Variants in EDC4 observed in about 807,000 individuals in gnomAD.
The protein encoded by EDC4 is enhancer of mRNA decapping 4.
In EDC4, 64 loss-of-function variants were observed where a neutral mutation model predicts 155.8. The observed-to-expected ratio is 0.41, with a 90% CI of 0.34 to 0.51. EDC4 has a LOEUF of 0.51. EDC4 is among the 20% of genes least tolerant of loss of function. The pLI, the probability that EDC4 is intolerant of heterozygous loss-of-function variation, is 0.19. For missense variants in EDC4, 1,303 were observed against 1,812.5 expected, an observed-to-expected ratio of 0.72 and a Z score of 5.10; for synonymous variants, 684 against 716.8, an observed-to-expected ratio of 0.95 and a Z score of 0.73.
chr16:67,880,576 C>T lies in EDC4; in HGVS notation c.2117C>T (p.Ala706Val). Residue 706 changes from alanine to valine, a missense_variant, in exon 18 of 29, where the codon GCA becomes GTA. Coordinates refer to ENST00000358933, the MANE Select transcript of EDC4 (RefSeq NM_014329.5). This position sits in a 1 kb window ranked among gnomAD's most constrained non-coding sequence, Gnocchi z 5.2. Reference protein sequence around the residue: ...GPGQVPTATSALSLELQEVEP... With the variant: ...GPGQVPTATSVLSLELQEVEP... ...CCTCAGGTGCCTACTGCCACCTCTG[C>T]ACTGTCCCTGGAGCTGCAGGAAGTG... is the stretch of plus-strand genomic sequence containing the variant. 1 of 1,614,092 alleles carries T rather than the reference C, an allele frequency of 6.2e-7. No individual in the cohort carries two copies. The highest frequency in any genetic ancestry group is 1.3e-5 in the African/African-American group (1 of 75,068).
rs2058054114 is a variant in EDC4 at position 67,879,204 on chromosome 16, C to T, written c.1469-33C>T. ...GGGGGTTGTGGAGGCACAGAGAGGG[C>T]CAGGGGCTTCATCATCCACACTGTC... On this transcript the variant is annotated intron_variant, in intron 12 of 28. Coordinates refer to ENST00000358933, the MANE Select transcript of EDC4 (RefSeq NM_014329.5). The surrounding 1 kb of genome is among the most constrained non-coding windows in gnomAD (Gnocchi z 6.0). 1 of 1,614,164 alleles carries T rather than the reference C, an allele frequency of 6.2e-7. No homozygotes were observed.
rs767046538 is a variant in EDC4, at chr16:67,876,630, T to C, written c.351+31T>C. The C allele has an allele frequency of 1.6e-5, 26 of 1,612,196 alleles. No homozygotes were observed. In the African/African-American group the frequency reaches 3.2e-4, roughly 20 times the overall value. On this transcript the variant is annotated intron_variant, in intron 3 of 28. Transcript: ENST00000358933. This position sits in a 1 kb window ranked among gnomAD's most constrained non-coding sequence, Gnocchi z 5.8. ...TACTGGGATGCTGTGGCATATATAATGTACGGGGGCACACCCAGCCTTTCC... is the reference window on the plus strand; with the variant it reads ...TACTGGGATGCTGTGGCATATATAACGTACGGGGGCACACCCAGCCTTTCC...
chr16:67,883,670 C>G lies in EDC4; in HGVS notation c.3952C>G (p.Leu1318Val). 2 of 1,614,226 alleles carry G rather than the reference C, an allele frequency of 1.2e-6. No homozygotes were observed. Among genetic ancestry groups the G allele is most frequent in the Non-Finnish European group, 1.7e-6 (2 of 1,180,048 alleles). The change falls in exon 28 of 29, where the codon CTC becomes GTC. Residue 1318 changes from leucine (L) to valine (V), a missense_variant. This residue lies in a region of EDC4 where 527 missense variants were observed against 757.0 expected (regional missense o/e 0.70). Coordinates refer to ENST00000358933, the MANE Select transcript of EDC4 (RefSeq NM_014329.5). This position sits in a 1 kb window ranked among gnomAD's most constrained non-coding sequence, Gnocchi z 5.3. ...QPPCPLSQPV[L>V]LSLIQQLASD... ...ACCCTGCCCGCTCTCCCAGCCTGTGCTCCTTTCCCTCATCCAGCAGCTGGC... is the reference window on the plus strand; with the variant it reads ...ACCCTGCCCGCTCTCCCAGCCTGTGGTCCTTTCCCTCATCCAGCAGCTGGC...
chr16:67,879,531 G>T lies in EDC4; in HGVS notation c.1633+28G>T, dbSNP rs1227131872. 1.9e-6 allele frequency: 3 copies of T among 1,614,068 alleles called. No homozygotes were observed. Among genetic ancestry groups the T allele is most frequent in the Non-Finnish European group, 2.5e-6 (3 of 1,180,002 alleles). ...GAGTAGGGCGTGAGAGGGAGGTAGGGTAAGTTGGACTGACCAGGGTCTGAG... is the reference window on the plus strand; with the variant it reads ...GAGTAGGGCGTGAGAGGGAGGTAGGTTAAGTTGGACTGACCAGGGTCTGAG... On this transcript the variant is annotated intron_variant, in intron 14 of 28. Transcript: ENST00000358933. The surrounding 1 kb of genome is among the most constrained non-coding windows in gnomAD (Gnocchi z 6.0).
Position 67,876,180 on chromosome 16 carries a change from A to G in EDC4, c.239+79A>G. The G allele has an allele frequency of 1.4e-6, 2 of 1,457,346 alleles. No individual in the cohort carries two copies. Among genetic ancestry groups the G allele is most frequent in the East Asian group, 4.6e-5 (2 of 43,850 alleles). 90.3% of individuals were successfully genotyped at this position (1,457,346 alleles called of 1,614,324 possible). ...AGCTGAAGGCATGAGATGGGGAGTG[A>G]GCGGGGCCAGCAGCCTCTGCTGCTT... On this transcript the variant is annotated intron_variant, in intron 2 of 28. Transcript: ENST00000358933. The surrounding 1 kb of genome is among the most constrained non-coding windows in gnomAD (Gnocchi z 5.8).
At position 67,883,125 on chromosome 16, in the gene EDC4, C is replaced by T. The variant is rs776801333; in HGVS notation, c.3797C>T (p.Ala1266Val). ...CACCTTGACTGCCAGGCCCAGCAAG[C>T]CCATATCCTGCAGCTGCTGCAGCAG... ...SAHLDCQAQQAHILQLLQQGH... is the reference protein window; with the variant it reads ...SAHLDCQAQQVHILQLLQQGH... Residue 1266 changes from alanine (A) to valine (V), a missense_variant, in exon 27 of 29, where the codon GCC becomes GTC. This residue lies in a region of EDC4 where 527 missense variants were observed against 757.0 expected (regional missense o/e 0.70). Coordinates refer to ENST00000358933, the MANE Select transcript of EDC4 (RefSeq NM_014329.5). The surrounding 1 kb of genome is among the most constrained non-coding windows in gnomAD (Gnocchi z 5.3). The T allele has an allele frequency of 2.5e-6, 4 of 1,607,768 alleles. No homozygotes were observed. In the South Asian group the frequency reaches 4.4e-5, roughly 18 times the overall value.
rs746257019 is a variant in EDC4 at position 67,882,138 on chromosome 16, G to A, written c.3160+29G>A. The A allele has an allele frequency of 1.9e-6, 3 of 1,613,586 alleles. No individual in the cohort carries two copies. The highest frequency in any genetic ancestry group is 2.5e-6 in the Non-Finnish European group (3 of 1,179,936). On this transcript the variant is annotated intron_variant, in intron 23 of 28. Coordinates refer to ENST00000358933, the MANE Select transcript of EDC4 (RefSeq NM_014329.5). The surrounding 1 kb of genome is among the most constrained non-coding windows in gnomAD (Gnocchi z 7.2). ...AGTTTTGCATGCAGACTCCCTTTGG[G>A]TGGTTCAGGTGGGAGTGGGGTACCT... is the stretch of plus-strand genomic sequence containing the variant.
rs142731612 is a variant in EDC4, at chr16:67,880,073, G to A, written c.1954G>A (p.Glu652Lys). The A allele has an allele frequency of 1.3e-3, 2,118 of 1,606,632 alleles. 5 individuals carry two copies. The highest frequency in any genetic ancestry group is 1.7e-3 in the Non-Finnish European group (1,991 of 1,175,494). The change falls in exon 17 of 29, where the codon GAG (glutamate) becomes AAG (lysine). Residue 652 changes from glutamate (E) to lysine (K), a missense_variant. Physicochemically the swap from Glu to Lys is moderately conservative, Grantham distance 56 (BLOSUM62 1). This residue lies in a region of EDC4 where 391 missense variants were observed against 445.4 expected (regional missense o/e 0.88). Transcript: ENST00000358933. This position sits in a 1 kb window ranked among gnomAD's most constrained non-coding sequence, Gnocchi z 5.2. ...GCCTTCCCCCACCAGGCCACCTGAG[G>A]AGCTGACCTTGAGCCCCAAGCTGCA... ...VDPSLTRPPE[E>K]LTLSPKLQLD... is the part of the protein sequence containing the mutation.
At chr16:67,875,282 T>C (rs747126958) in intron 1 of EDC4, among the ~76,000 whole-genome samples, 1 of 152,220 alleles carries the variant, frequency 6.6e-6, no homozygotes, top group Non-Finnish European at 1.5e-5. Flanking sequence ...CCAAGATAGC[T>C]TCTTCTGAGC....
chr16:67,883,659 C>T lies in EDC4; in HGVS notation c.3941C>T (p.Ser1314Phe). Residue 1314 changes from serine to phenylalanine, a missense_variant, in exon 28 of 29, where the codon TCC becomes TTC. Around this residue, in one of 5 missense-constraint regions of EDC4, gnomAD observed 527 missense variants for 757.0 expected, o/e 0.70. Transcript: ENST00000358933. The surrounding 1 kb of genome is among the most constrained non-coding windows in gnomAD (Gnocchi z 5.3). ...TTTGGGCAGCCACCCTGCCCGCTCT[C>T]CCAGCCTGTGCTCCTTTCCCTCATC... is the stretch of plus-strand genomic sequence containing the variant. ...QVFGQPPCPLSQPVLLSLIQQ... is the reference protein window; with the variant it reads ...QVFGQPPCPLFQPVLLSLIQQ... The T allele has an allele frequency of 6.2e-7, 1 of 1,614,204 alleles. No homozygotes were observed. Among genetic ancestry groups the T allele is most frequent in the Non-Finnish European group, 8.5e-7 (1 of 1,180,034 alleles).
intron 1 of EDC4, among the ~76,000 whole-genome samples, chr16:67,874,799 G>C (rs928260989): frequency 6.6e-6 from 1 of 152,262 alleles, no homozygotes; most frequent in Admixed American, 6.5e-5. Context: ...AGACTATTGA[G>C]GACTGGGCGC....
At position 67,880,607 on chromosome 16, in the gene EDC4, C is replaced by A. The variant is rs774971256; in HGVS notation, c.2148C>A (p.Pro716=). The A allele has an allele frequency of 6.2e-7, 1 of 1,614,024 alleles. No individual in the cohort carries two copies. The highest frequency in any genetic ancestry group is 1.3e-5 in the African/African-American group (1 of 74,932). The change falls in exon 18 of 29, where the codon CCC becomes CCA. Residue 716 remains proline (P), a synonymous_variant. Coordinates refer to ENST00000358933, the MANE Select transcript of EDC4 (RefSeq NM_014329.5). This position sits in a 1 kb window ranked among gnomAD's most constrained non-coding sequence, Gnocchi z 5.2. ...ALSLELQEVE[P]LGLPQASPSR... Reference sequence around the variant, plus strand: ...CCCTGGAGCTGCAGGAAGTGGAGCCCCTGGGGCTACCCCAAGCCTCCCCTA... The same window carrying A: ...CCCTGGAGCTGCAGGAAGTGGAGCCACTGGGGCTACCCCAAGCCTCCCCTA...
At position 67,876,902 on chromosome 16, in the gene EDC4, C is replaced by T. The variant is rs774386928; in HGVS notation, c.381C>T (p.Asp127=). 4.3e-6 allele frequency: 7 copies of T among 1,614,104 alleles called. No homozygotes were observed. The highest frequency in any genetic ancestry group is 5.1e-6 in the Non-Finnish European group (6 of 1,180,036). ...AAATTCAGCCTGTCGCCAAGTATGA[C>T]TGGGAACAGAAGTACTACTATGGCA... ...KVKIQPVAKY[D]WEQKYYYGNL... is the part of the protein sequence containing the mutation. The change falls in exon 4 of 29, where the codon GAC becomes GAT. Residue 127 remains aspartate (D), a synonymous_variant. Transcript: ENST00000358933. The surrounding 1 kb of genome is among the most constrained non-coding windows in gnomAD (Gnocchi z 5.8).
Position 67,880,510 on chromosome 16 carries a change from C to T in EDC4, c.2098-47C>T. On this transcript the variant is annotated intron_variant, in intron 17 of 28. Coordinates refer to ENST00000358933, the MANE Select transcript of EDC4 (RefSeq NM_014329.5). The surrounding 1 kb of genome is among the most constrained non-coding windows in gnomAD (Gnocchi z 5.2). The stretch of plus-strand genomic sequence containing the variant: ...TGCCTCGTCTCTGTGCCCCCCATCT[C>T]TGCCTCACTTCCTGTCACTTAAGCC... The T allele has an allele frequency of 6.3e-7, 1 of 1,594,496 alleles. No homozygotes were observed. The highest frequency in any genetic ancestry group is 8.6e-7 in the Non-Finnish European group (1 of 1,168,134).
chr16:67,878,249 C>G lies in EDC4; in HGVS notation c.978C>G (p.Ile326Met), dbSNP rs910175019. The change falls in exon 8 of 29, where the codon ATC becomes ATG. Residue 326 changes from isoleucine (I) to methionine (M), a missense_variant. By Grantham distance (10) the Ile-to-Met change is conservative. Coordinates refer to ENST00000358933, the MANE Select transcript of EDC4 (RefSeq NM_014329.5). The surrounding 1 kb of genome is among the most constrained non-coding windows in gnomAD (Gnocchi z 5.2). ...ATGGCTATGTCAAGTTCTGGCAGATCTACATTGAGGGGCAAGATGAGCCAA... is the reference window on the plus strand; with the variant it reads ...ATGGCTATGTCAAGTTCTGGCAGATGTACATTGAGGGGCAAGATGAGCCAA... ...SHDGYVKFWQ[I>M]YIEGQDEPRC... The G allele has an allele frequency of 8.7e-6, 14 of 1,614,074 alleles. No individual in the cohort carries two copies. Among genetic ancestry groups the G allele is most frequent in the Non-Finnish European group, 1.2e-5 (14 of 1,180,042 alleles).
chr16:67,880,547 C>T lies in EDC4; in HGVS notation c.2098-10C>T, dbSNP rs2058062543. 1.9e-6 allele frequency: 3 copies of T among 1,609,954 alleles called. No homozygotes were observed. In the South Asian group the frequency reaches 3.3e-5, roughly 18 times the overall value. ...CTGTCACTTAAGCCCCCATCTTTGG[C>T]CCACCTCAGGTGCCTACTGCCACCT... is the stretch of plus-strand genomic sequence containing the variant. On this transcript the variant is annotated splice_polypyrimidine_tract_variant and intron_variant, in intron 17 of 28. Coordinates refer to ENST00000358933, the MANE Select transcript of EDC4 (RefSeq NM_014329.5). This position sits in a 1 kb window ranked among gnomAD's most constrained non-coding sequence, Gnocchi z 5.2.
rs759547867 is a variant in EDC4, at chr16:67,879,121, T to C, written c.1452T>C (p.Asn484=). Residue 484 remains asparagine, a synonymous_variant, in exon 12 of 29, where the codon AAT becomes AAC. Coordinates refer to ENST00000358933, the MANE Select transcript of EDC4 (RefSeq NM_014329.5). The surrounding 1 kb of genome is among the most constrained non-coding windows in gnomAD (Gnocchi z 6.0). ...AGGTGCTGCCTGCCGAAGAGGAAAA[T>C]GACAGCCTGGGTGCTGGTGAGCTGC... The part of the protein sequence containing the change: ...HTEVLPAEEE[N]DSLGADGTHG... The C allele has an allele frequency of 6.2e-7, 1 of 1,613,804 alleles. No individual in the cohort carries two copies. Among genetic ancestry groups the C allele is most frequent in the African/African-American group, 1.3e-5 (1 of 75,040 alleles).
Position 67,879,875 on chromosome 16 carries a change from G to C in EDC4, c.1847G>C (p.Ser616Thr). 6.2e-7 allele frequency: 1 copy of C among 1,611,782 alleles called. No individual in the cohort carries two copies. The highest frequency in any genetic ancestry group is 8.5e-7 in the Non-Finnish European group (1 of 1,178,464). The stretch of plus-strand genomic sequence containing the variant: ...ATCACTGCCTCTCCCAGCAGCAGCA[G>C]CAGCGGTAGCAGCAGCAGCAGCAGC... The part of the protein sequence containing the change: ...QQITASPSSS[S>T]SGSSSSSSSS... The change falls in exon 16 of 29, where the codon AGC becomes ACC. Residue 616 changes from serine (S) to threonine (T), a missense_variant. Around this residue, in one of 5 missense-constraint regions of EDC4, gnomAD observed 391 missense variants for 445.4 expected, o/e 0.88. Transcript: ENST00000358933. The surrounding 1 kb of genome is among the most constrained non-coding windows in gnomAD (Gnocchi z 6.0).
At position 67,876,182 on chromosome 16, in the gene EDC4, C is replaced by A; in HGVS notation, c.239+81C>A. ...CTGAAGGCATGAGATGGGGAGTGAGCGGGGCCAGCAGCCTCTGCTGCTTCC... is the reference window on the plus strand; with the variant it reads ...CTGAAGGCATGAGATGGGGAGTGAGAGGGGCCAGCAGCCTCTGCTGCTTCC... On this transcript the variant is annotated intron_variant, in intron 2 of 28. Coordinates refer to ENST00000358933, the MANE Select transcript of EDC4 (RefSeq NM_014329.5). The surrounding 1 kb of genome is among the most constrained non-coding windows in gnomAD (Gnocchi z 5.8). 1.4e-6 allele frequency: 2 copies of A among 1,450,924 alleles called. No homozygotes were observed. Among genetic ancestry groups the A allele is most frequent in the Non-Finnish European group, 1.9e-6 (2 of 1,047,536 alleles). The allele number at this position is 1,450,924 out of a possible 1,614,324, so 89.9% of individuals were successfully genotyped here. A position where few individuals can be genotyped will look rare whatever the true frequency, so the allele number is the denominator to read the frequency against.
Sources: gnomAD v4.1 joint callset for allele counts (sites outside exome capture counted in the v4.1 genomes callset) on GRCh38, gnomAD v4.1.1 for gene constraint, gnomAD v4.1.1 regional missense constraint, Gnocchi (gnomAD v3.1) non-coding constraint, MANE v1.5 for transcripts, NCBI Gene and HGNC (gene_info 2026-07-23, HGNC 2026-07-21) for gene names.